SPATA18: variants seen among roughly 807,000 people sequenced by gnomAD.
The protein encoded by SPATA18 is spermatogenesis associated 18, also known as mitochondria-eating protein.
In SPATA18, 54 loss-of-function variants were observed where a neutral mutation model predicts 68.1. The ratio of observed to expected loss-of-function variants is 0.79; its 90% CI spans 0.64 to 0.99. SPATA18 has a LOEUF of 0.99. SPATA18 is among the 50% of genes least tolerant of loss of function. The probability of loss-of-function intolerance (pLI) is 0.00; values close to 1 mark genes in which losing one functional copy is unlikely to be tolerated. For synonymous variants in SPATA18, 242 were observed against 244.8 expected, an observed-to-expected ratio of 0.99 and a Z score of 0.11; for missense variants, 724 against 681.1, an observed-to-expected ratio of 1.06 and a Z score of -0.70.
intron 12 of SPATA18, 146 bp downstream of exon 12, chr4:52,094,718 C>G: frequency 1.6e-6 from 2 of 1,275,534 alleles, no homozygotes; most frequent in South Asian, 1.2e-5. Flanking sequence ...GGGCCTCTGG[C>G]TGATGGTACC....
Position 52,069,903 on chromosome 4 carries a change from C to A in SPATA18, c.505C>A (p.Gln169Lys), listed in dbSNP as rs1739652284. 3.1e-6 allele frequency: 5 copies of A among 1,589,620 alleles called. No individual in the cohort carries two copies. The highest frequency in any genetic ancestry group is 3.4e-6 in the Non-Finnish European group (4 of 1,165,460). ...TTTGGCTGCAGAGGAGGAAATAAAT[C>A]AGCTGAAAAAGCAGTAAGAAAAAAA... ...SLLAAEEEIN[Q>K]LKKQLKSLQA... Residue 169 changes from glutamine (Q) to lysine (K), a missense_variant, in exon 5 of 13, where the codon CAG becomes AAG. Coordinates refer to ENST00000295213, the MANE Select transcript of SPATA18 (RefSeq NM_145263.4).
At chr4:52,090,414 G>A (rs1741830771) in intron 11 of SPATA18, among the ~76,000 whole-genome samples, 1 of 152,154 alleles carries the variant, frequency 6.6e-6, no homozygotes, top group African/African-American at 2.4e-5. Context: ...TGCAGTGGCT[G>A]GTACCGGTTT....
chr4:52,088,183 C>T (rs7666187), intron 11 of SPATA18, among the ~76,000 whole-genome samples: 3 of 151,956 alleles, frequency 2.0e-5, no homozygotes, highest in African/African-American at 7.3e-5. Flanking sequence ...TGAGACGATG[C>T]GGTTTTCTAA....
At chr4:52,070,937 G>T (rs764192212) in intron 5 of SPATA18, among the ~76,000 whole-genome samples, 2 of 150,674 alleles carry the variant, frequency 1.3e-5, no homozygotes, top group South Asian at 2.1e-4. Flanking sequence ...GATTATCTTC[G>T]CATGTGTTCC....
intron 1 of SPATA18, among the ~76,000 whole-genome samples, chr4:52,052,033 C>G (rs960180832): frequency 9.2e-5 from 14 of 152,202 alleles, no homozygotes; most frequent in Admixed American, 9.2e-4. Context: ...CAGCACTAGG[C>G]TGCGGAGACT....
chr4:52,094,952 TGTC>T lies in SPATA18; in HGVS notation c.*66_*68del. ...AGCTGCTTTCTCCAGTGCCGCCATC[TGTC>T]TTCTGTGTCTGCCTCAGACCTCACT... On this transcript the variant is annotated 3_prime_UTR_variant, in exon 13 of 13. Transcript: ENST00000295213. The T allele has an allele frequency of 6.3e-7, 1 of 1,583,010 alleles. No individual in the cohort carries two copies. The highest frequency in any genetic ancestry group is 8.7e-7 in the Non-Finnish European group (1 of 1,151,750).
At chr4:52,065,236 G>A (rs1739221610) in intron 4 of SPATA18, among the ~76,000 whole-genome samples, 1 of 152,070 alleles carries the variant, frequency 6.6e-6, no homozygotes, top group South Asian at 2.1e-4. Flanking sequence ...TTACTCCGCT[G>A]AGCAGAAGTT....
At chr4:52,070,899 C>CA (rs896781869) in intron 5 of SPATA18, among the ~76,000 whole-genome samples, 38 of 148,684 alleles carry the variant, frequency 2.6e-4, no homozygotes, top group African/African-American at 9.1e-4. Context: ...GGGTGTTTTA[C>CA]ACACACACAC....
intron 10 of SPATA18, chr4:52,082,811 A>G (rs1578192263): frequency 1.4e-5 from 17 of 1,211,370 alleles, no homozygotes; most frequent in Non-Finnish European, 1.8e-5. Flanking sequence ...AGCCCTTTGA[A>G]GTTATCTTGT....
chr4:52,058,730 C>A (rs1738571319), intron 1 of SPATA18, among the ~76,000 whole-genome samples: 1 of 152,088 alleles, frequency 6.6e-6, no homozygotes, highest in South Asian at 2.1e-4. Context: ...TCCATGTACT[C>A]CCAGCAAGAA....
intron 7 of SPATA18, chr4:52,078,524 T>A: frequency 2.4e-6 from 1 of 420,120 alleles, no homozygotes; most frequent in East Asian, 3.5e-5. Flanking sequence ...TCAACTGTCT[T>A]GATGTTAGTG....
At chr4:52,054,883 C>A (rs1307261888) in intron 1 of SPATA18, among the ~76,000 whole-genome samples, 1 of 150,712 alleles carries the variant, frequency 6.6e-6, no homozygotes, top group Non-Finnish European at 1.5e-5. Flanking sequence ...AAGAAAAAAC[C>A]TTTTGACAAT....
chr4:52,077,172 T>A (rs2109481109), intron 7 of SPATA18, 132 bp downstream of exon 7: 2 of 941,554 alleles, frequency 2.1e-6, no homozygotes, highest in Non-Finnish European at 3.1e-6. Flanking sequence ...AGTCTCCCCA[T>A]CTGTCTCCTT....
chr4:52,092,519 T>C (rs1742061064), intron 11 of SPATA18, among the ~76,000 whole-genome samples: 1 of 152,220 alleles, frequency 6.6e-6, no homozygotes, highest in African/African-American at 2.4e-5. Context: ...ATACATTGGC[T>C]TGCCCTCCAT....
chr4:52,078,517 A>T, intron 7 of SPATA18: 1 of 397,992 alleles, frequency 2.5e-6, no homozygotes, highest in South Asian at 6.5e-5. Context: ...ATAATAGTCA[A>T]CTGTCTTGAT....
chr4:52,066,919 C>A (rs761968524), intron 4 of SPATA18, among the ~76,000 whole-genome samples: 26 of 152,106 alleles, frequency 1.7e-4, no homozygotes, highest in Admixed American at 3.9e-4. Context: ...GGCATTTGGG[C>A]TGATTCCATG....
chr4:52,084,425 T>C (rs1741241161), intron 10 of SPATA18, among the ~76,000 whole-genome samples: 1 of 152,244 alleles, frequency 6.6e-6, no homozygotes, highest in South Asian at 2.1e-4. Context: ...TTTTAGTGAC[T>C]ATAGCTTTCT....
At chr4:52,070,571 T>C (rs1739736103) in intron 5 of SPATA18, among the ~76,000 whole-genome samples, 1 of 151,682 alleles carries the variant, frequency 6.6e-6, no homozygotes. Context: ...CATTAGGAGA[T>C]ATACCTAATG....
rs568173668 is a variant in SPATA18 at position 52,092,453 on chromosome 4, G to T, written c.1564-2074G>T. On this transcript the variant is annotated intron_variant, in intron 11 of 12. Coordinates refer to ENST00000295213, the MANE Select transcript of SPATA18 (RefSeq NM_145263.4). ...CTCAGACCCTCACGGCTTCCCTTGG[G>T]TAGGGGGGAACATTCTCTGGCCCTT... is the stretch of plus-strand genomic sequence containing the variant. 7.7e-4 allele frequency among the ~76,000 whole-genome samples: 118 copies of T among 152,288 alleles called. No individual in the cohort carries two copies. In the South Asian group the frequency reaches 0.024, roughly 31 times the overall value.
Sources: gnomAD v4.1 joint callset for allele counts (sites outside exome capture counted in the v4.1 genomes callset) on GRCh38, gnomAD v4.1.1 for gene constraint, MANE v1.5 for transcripts, NCBI Gene and HGNC (gene_info 2026-07-23, HGNC 2026-07-21) for gene names.